GHR: variants seen among roughly 807,000 people sequenced by gnomAD.
GHR encodes growth hormone receptor, also known as GH receptor.
Under a neutral mutation model 67.1 loss-of-function variants are expected in GHR, and 35 were observed. The ratio of observed to expected loss-of-function variants is 0.52; its 90% confidence interval spans 0.40 to 0.69. The LOEUF (loss-of-function observed/expected upper bound fraction) is 0.69, where lower values mean the gene tolerates loss of function less well. GHR is among the 30% of genes least tolerant of loss of function. GHR has a pLI of 0.00. For synonymous variants in GHR, 272 were observed against 269.1 expected, an observed-to-expected ratio of 1.01 and a Z score of -0.10; for missense variants, 792 against 764.6, an observed-to-expected ratio of 1.04 and a Z score of -0.42.
chr5:42,534,815 A>C (rs1375958273), intron 1 of GHR, among the ~76,000 whole-genome samples: 1 of 152,062 alleles, frequency 6.6e-6, no homozygotes. Flanking sequence ...CATTCATGCC[A>C]ACATCTACTG....
intron 1 of GHR, among the ~76,000 whole-genome samples, chr5:42,562,133 G>T (rs907549832): frequency 3.0e-4 from 46 of 152,146 alleles, no homozygotes; most frequent in African/African-American, 9.7e-4. Context: ...GGGACATTTT[G>T]TCTCAGCTAG....
intron 3 of GHR, among the ~76,000 whole-genome samples, chr5:42,645,834 G>A (rs35436563): frequency 0.016 from 2,433 of 152,200 alleles, 105 homozygotes; most frequent in East Asian, 0.14. Flanking sequence ...CCTCAGTTTC[G>A]CTGACCGATT....
chr5:42,625,862 G>A (rs769554231), intron 2 of GHR, among the ~76,000 whole-genome samples: 4 of 152,026 alleles, frequency 2.6e-5, no homozygotes, highest in Admixed American at 6.6e-5. Context: ...TATAGAATGT[G>A]GATTTTTCCC....
In GHR at chr5:42,720,705, A is replaced by G. The variant is rs1039621704; in HGVS notation, c.*1281A>G. 2 of 152,248 alleles carry G rather than the reference A, an allele frequency of 1.3e-5. No homozygotes were observed. Among genetic ancestry groups the G allele is most frequent in the African/African-American group, 2.4e-5 (1 of 41,464 alleles). 9.4% of individuals were successfully genotyped at this position (152,248 alleles called of 1,614,324 possible). A position where few individuals can be genotyped will look rare whatever the true frequency, so the allele number is the denominator to read the frequency against. ...AAGAAACAAGGTTTTCAGTCCCCAC[A>G]GATAACTGAAAATTATTTAAACCGC... On this transcript the variant is annotated 3_prime_UTR_variant, in exon 10 of 10. Transcript: ENST00000230882.
At chr5:42,467,369 A>T in intron 1 of GHR, 1 of 987,682 alleles carries the variant, frequency 1.0e-6, no homozygotes, top group Non-Finnish European at 1.6e-6. Context: ...GCTTTGCCAG[A>T]ATCGTTACAG....
intron 2 of GHR, among the ~76,000 whole-genome samples, chr5:42,566,438 A>G (rs1420673311): frequency 6.6e-6 from 1 of 152,212 alleles, no homozygotes; most frequent in Non-Finnish European, 1.5e-5. Flanking sequence ...GGCTAAGTTG[A>G]GGAAAGAGAC....
chr5:42,439,931 C>T (rs929293231), intron 1 of GHR, among the ~76,000 whole-genome samples: 1 of 152,112 alleles, frequency 6.6e-6, no homozygotes, highest in Non-Finnish European at 1.5e-5. Context: ...CCTGAGTTCT[C>T]AAAACATTTT....
At chr5:42,593,223 T>G (rs937639640) in intron 2 of GHR, among the ~76,000 whole-genome samples, 1 of 152,226 alleles carries the variant, frequency 6.6e-6, no homozygotes, top group African/African-American at 2.4e-5. Context: ...ACGTACTATA[T>G]CTCATAAATC....
chr5:42,579,209 T>A (rs577327686), intron 2 of GHR, among the ~76,000 whole-genome samples: 1 of 151,100 alleles, frequency 6.6e-6, no homozygotes, highest in African/African-American at 2.4e-5. Context: ...GACAGATAGA[T>A]AGATATAATT....
At chr5:42,443,752 C>T (rs747198058) in intron 1 of GHR, among the ~76,000 whole-genome samples, 6 of 152,196 alleles carry the variant, frequency 3.9e-5, no homozygotes, top group Non-Finnish European at 5.9e-5. Context: ...AGTCCAAGTC[C>T]GCTGCAGAAT....
rs150145282 is a variant in GHR at position 42,481,401 on chromosome 5, G to A, written c.-12+57446G>A. Among the ~76,000 whole-genome samples, 1,258 of 152,166 alleles carry A rather than the reference G, an allele frequency of 8.3e-3. 51 individuals carry two copies. In the East Asian group the frequency reaches 0.11, roughly 13 times the overall value. On this transcript the variant is annotated intron_variant, in intron 1 of 9. Coordinates refer to ENST00000230882, the MANE Select transcript of GHR (RefSeq NM_000163.5). ...TCTTCTCGAGGAGTATCTTTATGGC[G>A]TTTTCTGTATTTCCTGAATTTGAAT... is the stretch of plus-strand genomic sequence containing the variant.
At chr5:42,434,768 T>C (rs769449058) in intron 1 of GHR, among the ~76,000 whole-genome samples, 20 of 152,214 alleles carry the variant, frequency 1.3e-4, no homozygotes, top group Non-Finnish European at 2.6e-4. Flanking sequence ...CCAGCAGTTC[T>C]TTCGCCTGGG....
chr5:42,475,304 G>A (rs1205721265), intron 1 of GHR, among the ~76,000 whole-genome samples: 1 of 152,112 alleles, frequency 6.6e-6, no homozygotes, highest in Non-Finnish European at 1.5e-5. Flanking sequence ...TGTAATGAAG[G>A]CAGTAGAGAT....
chr5:42,521,201 A>C (rs1747459083), intron 1 of GHR, among the ~76,000 whole-genome samples: 1 of 152,176 alleles, frequency 6.6e-6, no homozygotes. Flanking sequence ...TCCTTGCCTG[A>C]AGAAAACCTC....
In GHR at chr5:42,468,550, T is replaced by C. The variant is rs2112085210; in HGVS notation, c.-12+44595T>C. On this transcript the variant is annotated intron_variant, in intron 1 of 9. Coordinates refer to ENST00000230882, the MANE Select transcript of GHR (RefSeq NM_000163.5). ...CTACTGGCACGAGAACAATGACCCT[T>C]ATTCCTTCTTTCTTAAGCACCATGG... 26 of 845,694 alleles carry C rather than the reference T, an allele frequency of 3.1e-5. 1 individual carries two copies. In the South Asian group the frequency reaches 4.2e-4, roughly 14 times the overall value. The allele number at this position is 845,694 out of a possible 1,614,324, so 52.4% of individuals were successfully genotyped here. A position where few individuals can be genotyped will look rare whatever the true frequency, so the allele number is the denominator to read the frequency against.
chr5:42,690,894 C>T (rs138767073), intron 4 of GHR, among the ~76,000 whole-genome samples: 85 of 152,280 alleles, frequency 5.6e-4, no homozygotes, highest in Non-Finnish European at 1.1e-3. Flanking sequence ...GTTATTTGTA[C>T]AGGCACAATT....
intron 2 of GHR, among the ~76,000 whole-genome samples, chr5:42,616,957 G>T (rs892503781): frequency 6.6e-6 from 1 of 152,024 alleles, no homozygotes; most frequent in Non-Finnish European, 1.5e-5. Flanking sequence ...GGAATGGAAG[G>T]ATTAGAAGTA....
chr5:42,657,028 G>A (rs1331528515), intron 3 of GHR, among the ~76,000 whole-genome samples: 1 of 152,052 alleles, frequency 6.6e-6, no homozygotes, highest in African/African-American at 2.4e-5. Flanking sequence ...TCTTAATCTT[G>A]TGTCATAGAA....
intron 2 of GHR, among the ~76,000 whole-genome samples, chr5:42,615,719 A>G (rs1301677655): frequency 2.7e-5 from 4 of 145,504 alleles, no homozygotes; most frequent in Non-Finnish European, 6.0e-5. Flanking sequence ...ATAGCAGTAG[A>G]AATTTGGAAA....
Sources: allele counts gnomAD v4.1 joint callset (sites outside exome capture counted in the v4.1 genomes callset), GRCh38; gene constraint gnomAD v4.1.1; transcripts MANE v1.5; gene names NCBI Gene and HGNC (gene_info 2026-07-23, HGNC 2026-07-21).